OSBPL10: variants seen among roughly 807,000 people sequenced by gnomAD.
The protein encoded by OSBPL10 is oxysterol binding protein like 10.
In OSBPL10, 49 loss-of-function variants were observed where a neutral mutation model predicts 81.7. The observed-to-expected ratio is 0.60, with a 90% CI of 0.48 to 0.76. The LOEUF (loss-of-function observed/expected upper bound fraction) is 0.76. Ranked by LOEUF, OSBPL10 falls within the 30% of genes least tolerant of loss-of-function variation. OSBPL10 has a pLI of 0.00. For missense variants in OSBPL10, 923 were observed against 987.8 expected, an observed-to-expected ratio of 0.93 and a Z score of 0.88; for synonymous variants, 419 against 383.6, an observed-to-expected ratio of 1.09 and a Z score of -1.08.
intron 7 of OSBPL10, among the ~76,000 whole-genome samples, chr3:31,689,661 TTAACAG>T (rs1402267558): frequency 1.3e-5 from 2 of 152,178 alleles, no homozygotes; most frequent in Non-Finnish European, 2.9e-5. Context: ...GCTGTTCTCA[TTAACAG>T]TAAGTCTCAT....
In OSBPL10 at chr3:31,748,036, C is replaced by T. The variant is rs1697585602; in HGVS notation, c.814G>A (p.Asp272Asn). ...GCTTTCAGGAGCAGCAGGTCCTGGTCCAAGGCAGTGAGGGGGCCGGACCCT... is the reference window on the plus strand; with the variant it reads ...GCTTTCAGGAGCAGCAGGTCCTGGTTCAAGGCAGTGAGGGGGCCGGACCCT... ...LPGSGPLTAL[D>N]QDLLLLKATS... The change falls in exon 5 of 12, where the codon GAC becomes AAC. Residue 272 changes from aspartate to asparagine, a missense_variant. Physicochemically the swap from Asp to Asn is conservative, Grantham distance 23. Transcript: ENST00000396556. 6.2e-7 allele frequency: 1 copy of T among 1,614,040 alleles called. No individual in the cohort carries two copies.
chr3:31,808,907 T>C (rs1699592845), intron 4 of OSBPL10, among the ~76,000 whole-genome samples: 1 of 152,356 alleles, frequency 6.6e-6, no homozygotes, highest in East Asian at 1.9e-4. Context: ...TGCAATAATA[T>C]TTATCAAAGG....
intron 2 of OSBPL10, among the ~76,000 whole-genome samples, chr3:31,987,333 A>G (rs1182945306): frequency 6.6e-6 from 1 of 152,248 alleles, no homozygotes; most frequent in Non-Finnish European, 1.5e-5. Context: ...CACTGTCTAT[A>G]TGCACCCTAA....
At chr3:31,983,864 C>T (rs1412008066), upstream of OSBPL10, among the ~76,000 whole-genome samples, 2 of 152,210 alleles carry the variant, frequency 1.3e-5, no homozygotes, top group Non-Finnish European at 2.9e-5. Context: ...GAAATACATA[C>T]TGTAATGCCC....
intron 4 of OSBPL10, among the ~76,000 whole-genome samples, chr3:31,797,298 T>C (rs1234122731): frequency 6.6e-6 from 1 of 151,840 alleles, no homozygotes; most frequent in Non-Finnish European, 1.5e-5. Flanking sequence ...TGGCCACAAA[T>C]GATTTAAGGG....
At chr3:31,854,702 ATTTGT>A (rs767682707) in intron 3 of OSBPL10, among the ~76,000 whole-genome samples, 1 of 152,136 alleles carries the variant, frequency 6.6e-6, no homozygotes, top group Non-Finnish European at 1.5e-5. Context: ...ATTTTACCCC[ATTTGT>A]TTTATCATTT....
chr3:31,899,976 CT>C (rs1170724556), intron 1 of OSBPL10, among the ~76,000 whole-genome samples: 4 of 151,262 alleles, frequency 2.6e-5, no homozygotes, highest in African/African-American at 9.7e-5. Flanking sequence ...GAAGATTAAG[CT>C]GTTTTTAAAA....
intron 1 of OSBPL10, among the ~76,000 whole-genome samples, chr3:32,058,615 C>T (rs529045443): frequency 6.6e-6 from 1 of 152,170 alleles, no homozygotes; most frequent in Middle Eastern, 3.2e-3. Context: ...GCATGAGCCA[C>T]CCCACCCAGC....
chr3:31,789,121 G>C (rs1286371957), intron 4 of OSBPL10, among the ~76,000 whole-genome samples: 1 of 152,188 alleles, frequency 6.6e-6, no homozygotes, highest in Non-Finnish European at 1.5e-5. Flanking sequence ...AGCGATTACA[G>C]GCGCATGCCA....
chr3:31,773,497 C>A (rs1050125898), intron 4 of OSBPL10, among the ~76,000 whole-genome samples: 1 of 152,200 alleles, frequency 6.6e-6, no homozygotes. Flanking sequence ...TGCTAACACA[C>A]AGCAAGTGTT....
intron 1 of OSBPL10, among the ~76,000 whole-genome samples, chr3:31,928,766 A>C (rs940484834): frequency 2.7e-4 from 29 of 106,320 alleles, no homozygotes; most frequent in Middle Eastern, 4.7e-3. Context: ...TGTCTCCAAA[A>C]AAAAAAAAAA....
At chr3:31,995,397 C>T (rs7620518) in intron 2 of OSBPL10, among the ~76,000 whole-genome samples, 50,894 of 151,994 alleles carry the variant, frequency 0.33, 11,613 homozygotes, top group African/African-American at 0.64. Context: ...AAGAATTTAG[C>T]GATATCTTCC....
At chr3:31,684,633 C>G (rs17027964) in intron 7 of OSBPL10, among the ~76,000 whole-genome samples, 43,551 of 152,032 alleles carry the variant, frequency 0.29, 8,726 homozygotes, top group African/African-American at 0.57. Context: ...CACTGGGAGG[C>G]CTCGGTAGAA....
At chr3:31,941,462 G>A (rs1019447821) in intron 1 of OSBPL10, among the ~76,000 whole-genome samples, 5 of 152,178 alleles carry the variant, frequency 3.3e-5, no homozygotes. Context: ...AAATCTCTCT[G>A]AGCTGTGTAA....
rs75589547 is a variant in OSBPL10 at position 32,000,411 on chromosome 3, G to A, written n.298+46080C>T. ...TACTTCATAGCTATATGACCTCTCT[G>A]GGCCTCAGTCTCCTTAACGGTCATA... On this transcript the variant is annotated intron_variant and non_coding_transcript_variant, in intron 2 of 3. Coordinates refer to the OSBPL10 transcript ENST00000479173. Among the ~76,000 whole-genome samples the A allele has an allele frequency of 8.3e-3, 1,268 of 152,184 alleles. 53 individuals carry two copies. In the East Asian group the frequency reaches 0.15, roughly 18 times the overall value.
chr3:31,993,095 T>C (rs1331642236), intron 2 of OSBPL10, among the ~76,000 whole-genome samples: 2 of 152,142 alleles, frequency 1.3e-5, no homozygotes, highest in Non-Finnish European at 2.9e-5. Context: ...TATTTGCAAA[T>C]CATGTGTTTG....
intron 4 of OSBPL10, among the ~76,000 whole-genome samples, chr3:31,772,157 A>G (rs1027659332): frequency 1.3e-4 from 20 of 152,246 alleles, no homozygotes; most frequent in African/African-American, 4.3e-4. Context: ...AGGGAAATAC[A>G]GGGTTAGGTT....
chr3:31,759,661 T>C (rs1697975872), intron 4 of OSBPL10, among the ~76,000 whole-genome samples: 1 of 152,202 alleles, frequency 6.6e-6, no homozygotes, highest in Non-Finnish European at 1.5e-5. Flanking sequence ...TACACCACTG[T>C]TGACTGGAAG....
At chr3:31,799,319 A>G (rs1428574585) in intron 4 of OSBPL10, among the ~76,000 whole-genome samples, 1 of 145,620 alleles carries the variant, frequency 6.9e-6, no homozygotes, top group African/African-American at 2.5e-5. Context: ...GGGCGAGAGG[A>G]TCACATGAGG....
Sources: gnomAD v4.1 joint callset for allele counts (sites outside exome capture counted in the v4.1 genomes callset) on GRCh38, gnomAD v4.1.1 for gene constraint, MANE v1.5 for transcripts, NCBI Gene and HGNC (gene_info 2026-07-23, HGNC 2026-07-21) for gene names.